The following GRIP1 variants were observed in gnomAD, a reference collection of about 807,000 sequenced individuals.
GRIP1 encodes the protein glutamate receptor interacting protein 1.
GRIP1 carries 45 observed loss-of-function variants against 129.9 expected under a neutral mutation model. That is an observed-to-expected ratio of 0.35 (90% CI 0.27 to 0.44). The LOEUF is 0.44. Among genes scored for constraint, GRIP1 ranks in the 20% least tolerant of loss-of-function variants. The pLI is 1.00. For missense variants in GRIP1, 1,196 were observed against 1,396.8 expected, an observed-to-expected ratio of 0.86 and a Z score of 2.29; for synonymous variants, 530 against 520.8, an observed-to-expected ratio of 1.02 and a Z score of -0.24.
rs2035777969 is a variant in GRIP1, at chr12:66,713,568, C to T, written c.-419-83232G>A. 2.6e-5 allele frequency among the ~76,000 whole-genome samples: 4 copies of T among 151,776 alleles called. No homozygotes were observed. In the South Asian group the frequency reaches 6.2e-4, roughly 24 times the overall value. Reference sequence around the variant, plus strand: ...CTCTTGAACCCCCCATTCTTGGTGCCGCTGCTCATGCTGTGCAGCTTATCT... The same window carrying T: ...CTCTTGAACCCCCCATTCTTGGTGCTGCTGCTCATGCTGTGCAGCTTATCT... On this transcript the variant is annotated intron_variant, in intron 1 of 4. Coordinates refer to the GRIP1 transcript ENST00000538373.
intron 4 of GRIP1, among the ~76,000 whole-genome samples, chr12:66,534,850 T>G (rs1345553305): frequency 1.3e-5 from 2 of 152,094 alleles, no homozygotes. Context: ...CCCACCACCA[T>G]GCCTGGCTAA....
In GRIP1 at chr12:66,585,418, C is replaced by T. The variant is rs990736080; in HGVS notation, c.136+11429G>A. On this transcript the variant is annotated intron_variant, in intron 2 of 24. Coordinates refer to ENST00000359742, the MANE Select transcript of GRIP1 (RefSeq NM_001366722.1). ...ATTTCCAGTTTCATCCATGTCCCTACAAAGGACATGAACTCATCATTTTTT... is the reference window on the plus strand; with the variant it reads ...ATTTCCAGTTTCATCCATGTCCCTATAAAGGACATGAACTCATCATTTTTT... 3.7e-5 allele frequency among the ~76,000 whole-genome samples: 5 copies of T among 136,138 alleles called. 1 individual carries two copies. Among genetic ancestry groups the T allele is most frequent in the South Asian group, 2.4e-4 (1 of 4,172 alleles). 89.3% of individuals were successfully genotyped at this position (136,138 alleles called of 152,430 possible).
chr12:66,811,185 ATTTTTTTCTAC>A (rs2136952061), intron 1 of GRIP1, among the ~76,000 whole-genome samples: 1 of 152,294 alleles, frequency 6.6e-6, no homozygotes, highest in African/African-American at 2.4e-5. Context: ...GTTTTCAAAG[ATTTTTTTCTAC>A]TTTTTTTCTA....
chr12:66,498,796 C>T (rs2060310411), intron 7 of GRIP1, among the ~76,000 whole-genome samples: 1 of 152,094 alleles, frequency 6.6e-6, no homozygotes, highest in Non-Finnish European at 1.5e-5. Context: ...AATTACAACT[C>T]TAACATTTTT....
chr12:66,384,799 G>A (rs1327050020), intron 19 of GRIP1, among the ~76,000 whole-genome samples: 3 of 152,160 alleles, frequency 2.0e-5, no homozygotes, highest in African/African-American at 7.2e-5. Context: ...ATGACACCAT[G>A]GGAAAAATAA....
At chr12:67,050,430 TATTCAC>T (rs2043325565) in intron 1 of GRIP1, among the ~76,000 whole-genome samples, 3 of 152,192 alleles carry the variant, frequency 2.0e-5, no homozygotes, top group African/African-American at 7.2e-5. Flanking sequence ...AGGCCTACCA[TATTCAC>T]ATTTGTGTTT....
intron 1 of GRIP1, among the ~76,000 whole-genome samples, chr12:66,616,595 C>T (rs2065047130): frequency 1.3e-5 from 2 of 152,070 alleles, no homozygotes; most frequent in Admixed American, 1.3e-4. Flanking sequence ...TTTTTTACCT[C>T]CATCCAGCTG....
intron 2 of GRIP1, among the ~76,000 whole-genome samples, chr12:66,573,879 G>A (rs976358295): frequency 3.3e-5 from 5 of 152,130 alleles, no homozygotes; most frequent in Non-Finnish European, 7.4e-5. Context: ...GTGTTTAGAC[G>A]GTGACTGCTG....
intron 1 of GRIP1, among the ~76,000 whole-genome samples, chr12:66,926,709 GTGCCCAGTCTA>G (rs981487673): frequency 6.6e-6 from 1 of 152,172 alleles, no homozygotes; most frequent in African/African-American, 2.4e-5. Context: ...AATTTGTGAG[GTGCCCAGTCTA>G]TGCCGTGTGC....
rs1592743735 is a variant in GRIP1, at chr12:66,686,959, G to T, written c.-419-56623C>A. On this transcript the variant is annotated intron_variant, in intron 1 of 4. Coordinates refer to the GRIP1 transcript ENST00000538373. Reference sequence around the variant, plus strand: ...CACCTGTGGTCCCAGCTACTCAGGAGGCAGAGGTGGGAGGATTGCTTGAGC... The same window carrying T: ...CACCTGTGGTCCCAGCTACTCAGGATGCAGAGGTGGGAGGATTGCTTGAGC... 3.3e-5 allele frequency among the ~76,000 whole-genome samples: 5 copies of T among 152,274 alleles called. No homozygotes were observed. In the Middle Eastern group the frequency reaches 0.014, roughly 414 times the overall value.
In GRIP1 at chr12:66,392,482, T is replaced by G. The variant is rs369165287; in HGVS notation, c.2290A>C (p.Lys764Gln). 5.0e-6 allele frequency: 8 copies of G among 1,613,982 alleles called. No individual in the cohort carries two copies. In the African/African-American group the frequency reaches 1.1e-4, roughly 22 times the overall value. Reference protein sequence around the residue: ...QTDAQSASSPKKFPISSHLSD... With the variant: ...QTDAQSASSPQKFPISSHLSD... The stretch of plus-strand genomic sequence containing the variant: ...AAATGGCTAGAAATAGGGAACTTCT[T>G]GGGGCTCGATGCTGACTGGGCTTTA... Residue 764 changes from lysine to glutamine, a missense_variant, in exon 19 of 25, where the codon AAG (lysine) becomes CAG (glutamine). Lys to Gln is a moderately conservative substitution (Grantham distance 53, BLOSUM62 1). Coordinates refer to ENST00000359742, the MANE Select transcript of GRIP1 (RefSeq NM_001366722.1).
chr12:66,628,093 T>C (rs1192343763), intron 1 of GRIP1, among the ~76,000 whole-genome samples: 2 of 152,174 alleles, frequency 1.3e-5, no homozygotes, highest in African/African-American at 4.8e-5. Flanking sequence ...CCAACTCTGC[T>C]TGGAGCAGCT....
At chr12:66,798,598 G>T (rs2038768596) in intron 1 of GRIP1, among the ~76,000 whole-genome samples, 1 of 152,122 alleles carries the variant, frequency 6.6e-6, no homozygotes, top group Non-Finnish European at 1.5e-5. Flanking sequence ...ATTTCAGATA[G>T]CATGCCGTAC....
intron 1 of GRIP1, among the ~76,000 whole-genome samples, chr12:66,667,794 G>T (rs1464432884): frequency 6.6e-6 from 1 of 152,154 alleles, no homozygotes; most frequent in Admixed American, 6.5e-5. Flanking sequence ...TGATGAAGGT[G>T]AAGGAGGTGT....
At chr12:66,824,525 CT>C (rs2039375513) in intron 1 of GRIP1, among the ~76,000 whole-genome samples, 1 of 152,294 alleles carries the variant, frequency 6.6e-6, no homozygotes, top group South Asian at 2.1e-4. Context: ...CAAACACCAC[CT>C]CCCTCCCCAC....
intron 1 of GRIP1, among the ~76,000 whole-genome samples, chr12:66,994,231 T>C (rs964788612): frequency 4.6e-5 from 7 of 151,560 alleles, no homozygotes; most frequent in South Asian, 2.1e-4. Context: ...TTATCCCTTA[T>C]ACAAAACTCT....
intron 1 of GRIP1, among the ~76,000 whole-genome samples, chr12:66,701,063 A>C (rs35739601): frequency 0.079 from 12,082 of 152,238 alleles, 646 homozygotes; most frequent in Non-Finnish European, 0.12. Flanking sequence ...AGACCTAGTG[A>C]ATAGAAGATT....
chr12:66,518,091 T>A, intron 5 of GRIP1, 115 bp from the exon 6 acceptor site: 1 of 753,432 alleles, frequency 1.3e-6, no homozygotes, highest in Non-Finnish European at 2.4e-6. Flanking sequence ...GGAAAATATG[T>A]AAAATTTTCC....
At chr12:66,916,273 A>C (rs893089966) in intron 1 of GRIP1, among the ~76,000 whole-genome samples, 3 of 152,240 alleles carry the variant, frequency 2.0e-5, no homozygotes, top group Non-Finnish European at 4.4e-5. Flanking sequence ...AGGTATCTGT[A>C]CATCAACTCC....
Sources: allele counts gnomAD v4.1 joint callset (sites outside exome capture counted in the v4.1 genomes callset), GRCh38; gene constraint gnomAD v4.1.1; transcripts MANE v1.5; gene names NCBI Gene and HGNC (gene_info 2026-07-23, HGNC 2026-07-21).